TOGARAM2: variants seen among roughly 807,000 people sequenced by gnomAD.
TOGARAM2 encodes TOG array regulator of axonemal microtubules 2.
In TOGARAM2, 85 loss-of-function variants were observed where a neutral mutation model predicts 93.3. The ratio of observed to expected loss-of-function variants is 0.91; its 90% CI spans 0.76 to 1.09. The LOEUF (loss-of-function observed/expected upper bound fraction) is 1.09. TOGARAM2 is among the 50% of genes least tolerant of loss of function. The pLI is 0.00. For missense variants in TOGARAM2, 1,277 were observed against 1,334.5 expected, an observed-to-expected ratio of 0.96 and a Z score of 0.67; for synonymous variants, 593 against 552.8, an observed-to-expected ratio of 1.07 and a Z score of -1.02.
upstream of TOGARAM2, among the ~76,000 whole-genome samples, chr2:28,980,604 G>T (rs1283122311): frequency 6.6e-6 from 1 of 152,198 alleles, no homozygotes; most frequent in East Asian, 1.9e-4. Context: ...GAGAGAGGAT[G>T]CCAGCCTGGG....
chr2:29,027,225 G>T (rs937767471), intron 14 of TOGARAM2, among the ~76,000 whole-genome samples: 1 of 152,066 alleles, frequency 6.6e-6, no homozygotes, highest in African/African-American at 2.4e-5. Flanking sequence ...CCACTTTCTG[G>T]TCTTCCATTT....
intron 1 of TOGARAM2, among the ~76,000 whole-genome samples, chr2:28,993,719 C>A (rs1316616027): frequency 6.6e-6 from 1 of 152,114 alleles, no homozygotes; most frequent in Non-Finnish European, 1.5e-5. Flanking sequence ...TGTGCTGGGC[C>A]GGGCACTGGG....
At chr2:29,029,195 GC>G (rs1665591952) in intron 14 of TOGARAM2, among the ~76,000 whole-genome samples, 3 of 151,976 alleles carry the variant, frequency 2.0e-5, no homozygotes, top group Admixed American at 1.3e-4. Flanking sequence ...TGCGAAAACA[GC>G]CCAAATGCCT....
At chr2:29,019,020 A>G (rs1664764572) in intron 10 of TOGARAM2, among the ~76,000 whole-genome samples, 1 of 152,166 alleles carries the variant, frequency 6.6e-6, no homozygotes, top group Admixed American at 6.5e-5. Context: ...AGTTCCCTTT[A>G]AAGTTAAATT....
intron 18 of TOGARAM2, among the ~76,000 whole-genome samples, chr2:29,038,294 G>A (rs1385440921): frequency 2.6e-5 from 4 of 151,986 alleles, no homozygotes; most frequent in African/African-American, 4.8e-5. Flanking sequence ...TGTACCCTCT[G>A]GTTCATCATC....
intron 6 of TOGARAM2, among the ~76,000 whole-genome samples, chr2:29,009,465 G>A (rs72788114): frequency 0.094 from 10,970 of 116,934 alleles, 444 homozygotes; most frequent in African/African-American, 0.14. Context: ...CAGGAATCCG[G>A]GGAGAAGGCA....
rs1233446077 is a variant in TOGARAM2 at position 29,003,526 on chromosome 2, A to T, written c.674A>T (p.Asp225Val). 1 of 1,585,634 alleles carries T rather than the reference A, an allele frequency of 6.3e-7. No individual in the cohort carries two copies. The highest frequency in any genetic ancestry group is 8.6e-7 in the Non-Finnish European group (1 of 1,166,848). ...QISWQYLHCN[D>V]EKMQKSLGAI... ...TCCTGGCAATACCTGCACTGCAATGATGAGAAGATGCAGAAGTCCCTGGGC... is the reference window on the plus strand; with the variant it reads ...TCCTGGCAATACCTGCACTGCAATGTTGAGAAGATGCAGAAGTCCCTGGGC... The change falls in exon 6 of 20, where the codon GAT (aspartate) becomes GTT (valine). Residue 225 changes from aspartate (D) to valine (V), a missense_variant. Physicochemically the swap from Asp to Val is radical, Grantham distance 152. Coordinates refer to ENST00000379558, the MANE Select transcript of TOGARAM2 (RefSeq NM_199280.4).
intron 13 of TOGARAM2, among the ~76,000 whole-genome samples, chr2:29,025,064 A>T (rs773726538): frequency 6.6e-6 from 1 of 152,178 alleles, no homozygotes; most frequent in Non-Finnish European, 1.5e-5. Context: ...TAAGTGGATC[A>T]TTACACTGAT....
At position 28,983,177 on chromosome 2, in the gene TOGARAM2, A is replaced by AATAAATATATAT. The variant is rs781160203; in HGVS notation, c.-111+1642_-111+1643insAATATATATATA. 7.2e-3 allele frequency among the ~76,000 whole-genome samples: 234 copies of AATAAATATATAT among 32,342 alleles called. 8 individuals are homozygous for AATAAATATATAT. The highest frequency in any genetic ancestry group is 0.012 in the African/African-American group (91 of 7,836). The allele number at this position is 32,342 out of a possible 152,430, so 21.2% of individuals were successfully genotyped here. A position where few individuals can be genotyped will look rare whatever the true frequency, so the allele number is the denominator to read the frequency against. On this transcript the variant is annotated intron_variant, in intron 1 of 19. Coordinates refer to ENST00000379558, the MANE Select transcript of TOGARAM2 (RefSeq NM_199280.4). ...TAATCTTTGTGTGTGTGTATATATA[A>AATAAATATATAT]ATATATATATATATATATATATTTT...
In TOGARAM2 at chr2:29,017,190, A is replaced by C; in HGVS notation, c.1081A>C (p.Met361Leu). Residue 361 changes from methionine to leucine, a missense_variant, in exon 9 of 20, where the codon ATG becomes CTG. Transcript: ENST00000379558. ...CATCTCCAAGTCTGCCCGGGAGAAG[A>C]TGCAGCTGAAGCAGATGAAGGAGAT... The part of the protein sequence containing the change: ...VTISKSAREK[M>L]QLKQMKEMEL... 1 of 1,613,930 alleles carries C rather than the reference A, an allele frequency of 6.2e-7. No homozygotes were observed. The highest frequency in any genetic ancestry group is 1.1e-5 in the South Asian group (1 of 91,084).
At chr2:29,012,739 C>G (rs1221265610) in intron 7 of TOGARAM2, among the ~76,000 whole-genome samples, 1 of 152,258 alleles carries the variant, frequency 6.6e-6, no homozygotes, top group Non-Finnish European at 1.5e-5. Flanking sequence ...TGGGCTGACA[C>G]TGCCCTCTGT....
rs1201723408 is a variant in TOGARAM2 at position 29,003,585 on chromosome 2, A to G, written c.733A>G (p.Thr245Ala). ...GATCCCACCCATCCCAAAGGCCAGG[A>G]CGGTTGCAGCGACCCCCTCCCGTGT... is the stretch of plus-strand genomic sequence containing the variant. ...IVIPPIPKAR[T>A]VAATPSRVPG... Residue 245 changes from threonine (T) to alanine (A), a missense_variant, in exon 6 of 20, where the codon ACG becomes GCG. By Grantham distance (58) the Thr-to-Ala change is moderately conservative (BLOSUM62 0). Transcript: ENST00000379558. 4.4e-6 allele frequency: 7 copies of G among 1,596,214 alleles called. No homozygotes were observed. The highest frequency in any genetic ancestry group is 1.7e-5 in the Admixed American group (1 of 57,850).
intron 1 of TOGARAM2, among the ~76,000 whole-genome samples, chr2:28,961,401 A>G (rs6714085): frequency 0.83 from 126,758 of 152,068 alleles, 53,092 homozygotes; most frequent in Middle Eastern, 0.9. Flanking sequence ...GAGTGTAGTA[A>G]CGCAAACTCG....
intron 2 of TOGARAM2, among the ~76,000 whole-genome samples, chr2:28,997,618 A>G (rs987713333): frequency 6.6e-6 from 1 of 152,236 alleles, no homozygotes; most frequent in Non-Finnish European, 1.5e-5. Flanking sequence ...AGATCAGTGT[A>G]GGACATGCTG....
chr2:28,960,255 T>C (rs1671784567), intron 1 of TOGARAM2, among the ~76,000 whole-genome samples: 1 of 152,336 alleles, frequency 6.6e-6, no homozygotes, highest in African/African-American at 2.4e-5. Context: ...TCTTAACTAC[T>C]TCAGGGTGAC....
At chr2:29,001,276 C>T (rs943775631) in intron 4 of TOGARAM2, among the ~76,000 whole-genome samples, 5 of 152,126 alleles carry the variant, frequency 3.3e-5, no homozygotes, top group South Asian at 2.1e-4. Flanking sequence ...GAACCAGCAC[C>T]GGAAGCCAGG....
At chr2:29,018,197 C>T in intron 10 of TOGARAM2, 1 of 513,380 alleles carries the variant, frequency 1.9e-6, no homozygotes, top group Non-Finnish European at 3.4e-6. Context: ...ATGTCCTCAG[C>T]CTGTGTGACA....
intron 13 of TOGARAM2, among the ~76,000 whole-genome samples, chr2:29,024,676 C>T (rs1015291105): frequency 2.0e-5 from 3 of 152,240 alleles, no homozygotes; most frequent in East Asian, 1.9e-4. Context: ...TCGGCCAGGC[C>T]GGGGGAATGC....
rs1299606584 is a variant in TOGARAM2, at chr2:28,998,257, A to G, written c.139+4A>G. The G allele has an allele frequency of 1.2e-6, 2 of 1,604,944 alleles. No individual in the cohort carries two copies. The highest frequency in any genetic ancestry group is 1.7e-5 in the Admixed American group (1 of 59,096). Reference sequence around the variant, plus strand: ...TCCAGTCTGCCTCATGGAGAAGGTGAGATGGGAAGACCTCACCTGGTCAGG... The same window carrying G: ...TCCAGTCTGCCTCATGGAGAAGGTGGGATGGGAAGACCTCACCTGGTCAGG... On this transcript the variant is annotated splice_donor_region_variant and intron_variant, in intron 3 of 19. Transcript: ENST00000379558.
Sources: allele counts gnomAD v4.1 joint callset (sites outside exome capture counted in the v4.1 genomes callset), GRCh38; gene constraint gnomAD v4.1.1; transcripts MANE v1.5; gene names NCBI Gene and HGNC (gene_info 2026-07-23, HGNC 2026-07-21).